The following PCDHA7 variants were observed in gnomAD, a reference collection of about 807,000 sequenced individuals.
The protein encoded by PCDHA7 is protocadherin alpha-7.
Under a neutral mutation model 57.2 loss-of-function variants are expected in PCDHA7, and 37 were observed. That is an observed-to-expected ratio of 0.65 (90% CI 0.50 to 0.85). PCDHA7 has a LOEUF of 0.85. PCDHA7 is among the 40% of genes least tolerant of loss of function. The probability of loss-of-function intolerance (pLI) is 0.00; values close to 1 mark genes in which losing one functional copy is unlikely to be tolerated. For missense variants in PCDHA7, 1,188 were observed against 1,241.8 expected, an observed-to-expected ratio of 0.96 and a Z score of 0.65; for synonymous variants, 553 against 558.8, an observed-to-expected ratio of 0.99 and a Z score of 0.15.
intron 1 of PCDHA7, among the ~76,000 whole-genome samples, chr5:140,973,118 G>T (rs1554234897): frequency 1.3e-5 from 2 of 152,168 alleles, no homozygotes; most frequent in Non-Finnish European, 2.9e-5. Context: ...TAGCAGAGAT[G>T]AATTAAGTTT....
chr5:140,843,105 G>A (rs2150352626), intron 1 of PCDHA7: 1 of 1,595,772 alleles, frequency 6.3e-7, no homozygotes, highest in South Asian at 1.1e-5. Flanking sequence ...GCGAAGGTGC[G>A]CGCAGTGGAC....
chr5:141,002,271 T>C (rs942626808), intron 3 of PCDHA7, among the ~76,000 whole-genome samples: 3 of 152,220 alleles, frequency 2.0e-5, no homozygotes, highest in African/African-American at 7.2e-5. Context: ...CCAGAGCTGG[T>C]AACAAAGGGA....
intron 1 of PCDHA7, among the ~76,000 whole-genome samples, chr5:140,909,449 A>G (rs1301796561): frequency 1.3e-5 from 2 of 152,218 alleles, no homozygotes; most frequent in African/African-American, 4.8e-5. Flanking sequence ...GTCATTCTCC[A>G]AGATCCATCT....
chr5:140,978,644 G>A (rs782602318), intron 1 of PCDHA7, among the ~76,000 whole-genome samples: 18 of 152,220 alleles, frequency 1.2e-4, no homozygotes, highest in Non-Finnish European at 1.9e-4. Context: ...AAAGCAGACT[G>A]TTCTTCCCGT....
chr5:141,009,303 T>A (rs1040786824), intron 3 of PCDHA7, among the ~76,000 whole-genome samples: 16 of 152,050 alleles, frequency 1.1e-4, no homozygotes, highest in East Asian at 1.9e-4. Flanking sequence ...AAATTTTTTT[T>A]AAAAAGCTAG....
chr5:141,007,437 A>G (rs913587541), intron 3 of PCDHA7, among the ~76,000 whole-genome samples: 2 of 150,734 alleles, frequency 1.3e-5, no homozygotes, highest in Non-Finnish European at 2.9e-5. Context: ...GCATGGTGGC[A>G]TGTGCCTGTA....
chr5:140,848,456 A>T (rs2150410759), intron 1 of PCDHA7: 1 of 1,524,638 alleles, frequency 6.6e-7, no homozygotes, highest in South Asian at 1.2e-5. Flanking sequence ...TCTAATTTGG[A>T]GGCAATTTTC....
At position 141,009,660 on chromosome 5, in the gene PCDHA7, G is replaced by C; in HGVS notation, c.2537G>C (p.Gly846Ala). 7 of 1,614,084 alleles carry C rather than the reference G, an allele frequency of 4.3e-6. No homozygotes were observed. Among genetic ancestry groups the C allele is most frequent in the Non-Finnish European group, 5.9e-6 (7 of 1,180,030 alleles). Residue 846 changes from glycine (G) to alanine (A), a missense_variant, in exon 4 of 4, where the codon GGT becomes GCT. Physicochemically the swap from Gly to Ala is moderately conservative, Grantham distance 60 (BLOSUM62 0). Coordinates refer to ENST00000525929, the MANE Select transcript of PCDHA7 (RefSeq NM_018910.3). ...PEAGEVSPPV[G>A]AGVNSNSWTF... ...GCAGGAGAAGTGTCCCCTCCAGTCGGTGCGGGTGTCAACAGCAACAGCTGG... is the reference window on the plus strand; with the variant it reads ...GCAGGAGAAGTGTCCCCTCCAGTCGCTGCGGGTGTCAACAGCAACAGCTGG...
chr5:140,886,004 A>G lies in PCDHA7; in HGVS notation c.2355+49266A>G, dbSNP rs544401095. On this transcript the variant is annotated intron_variant, in intron 1 of 3. Transcript: ENST00000525929. Reference sequence around the variant, plus strand: ...TCGCATGTGGTTGAAAGAAATAGTAAAGGGAGATGCTATGTATTCTTCACT... The same window carrying G: ...TCGCATGTGGTTGAAAGAAATAGTAGAGGGAGATGCTATGTATTCTTCACT... Among the ~76,000 whole-genome samples, 7 of 152,268 alleles carry G rather than the reference A, an allele frequency of 4.6e-5. No homozygotes were observed. In the East Asian group the frequency reaches 1.3e-3, roughly 29 times the overall value.
At chr5:140,897,298 G>A (rs1372345306) in intron 1 of PCDHA7, among the ~76,000 whole-genome samples, 18 of 150,818 alleles carry the variant, frequency 1.2e-4, no homozygotes, top group Non-Finnish European at 1.8e-4. Flanking sequence ...TCGTCATTTA[G>A]CATTAGGTAT....
intron 1 of PCDHA7, chr5:140,858,292 C>T (rs1554151391): frequency 6.3e-7 from 1 of 1,597,508 alleles, no homozygotes; most frequent in East Asian, 2.2e-5. Context: ...GCTGGTCTTA[C>T]TCGCAGCAGA....
chr5:140,837,632 CCTTT>C (rs140175664), intron 1 of PCDHA7, among the ~76,000 whole-genome samples: 9,222 of 151,164 alleles, frequency 0.061, 992 homozygotes, highest in African/African-American at 0.21. Context: ...TTCCTTCCTT[CCTTT>C]CTTTCTTTCT....
At chr5:140,981,479 C>T (rs1275257398) in intron 2 of PCDHA7, among the ~76,000 whole-genome samples, 20 of 152,148 alleles carry the variant, frequency 1.3e-4, no homozygotes, top group African/African-American at 4.8e-4. Flanking sequence ...GAGGCTGAGG[C>T]AGGAGAATTG....
intron 1 of PCDHA7, among the ~76,000 whole-genome samples, chr5:140,920,124 G>A (rs1261931835): frequency 2.6e-5 from 4 of 152,152 alleles, no homozygotes; most frequent in African/African-American, 4.8e-5. Flanking sequence ...AACATCTTGA[G>A]TTTTAATTCT....
chr5:140,845,255 G>A (rs1205445149), intron 1 of PCDHA7, among the ~76,000 whole-genome samples: 3 of 149,266 alleles, frequency 2.0e-5, no homozygotes, highest in Non-Finnish European at 4.5e-5. Context: ...TGAATAATAT[G>A]TGTTTTCCTT....
chr5:141,002,141 A>G (rs1554258528), intron 3 of PCDHA7, among the ~76,000 whole-genome samples: 3 of 152,258 alleles, frequency 2.0e-5, no homozygotes, highest in Admixed American at 6.5e-5. Context: ...TGCCGGCTGC[A>G]CTGACTTAGC....
chr5:140,883,256 A>G, intron 1 of PCDHA7: 2 of 1,614,146 alleles, frequency 1.2e-6, no homozygotes, highest in Non-Finnish European at 1.7e-6. Flanking sequence ...AAATATTCCA[A>G]TGGCGGGTCA....
At chr5:140,859,421 T>A in intron 1 of PCDHA7, 1 of 232,516 alleles carries the variant, frequency 4.3e-6, no homozygotes, top group Non-Finnish European at 8.1e-6. Flanking sequence ...TGATATAGAC[T>A]CAGAAATGAA....
At chr5:140,848,935 C>G (rs1363080082) in intron 1 of PCDHA7, 1 of 1,607,474 alleles carries the variant, frequency 6.2e-7, no homozygotes, top group Non-Finnish European at 8.5e-7. Context: ...GAATCCAGGC[C>G]GCTTGACTCT....
Sources: gnomAD v4.1 joint callset for allele counts (sites outside exome capture counted in the v4.1 genomes callset) on GRCh38, gnomAD v4.1.1 for gene constraint, MANE v1.5 for transcripts, NCBI Gene and HGNC (gene_info 2026-07-23, HGNC 2026-07-21) for gene names.